The following OGFOD1 variants were observed in gnomAD, a reference collection of about 807,000 sequenced individuals.
The protein encoded by OGFOD1 is prolyl 3-hydroxylase OGFOD1.
Under a neutral mutation model 67.7 loss-of-function variants are expected in OGFOD1, and 54 were observed. The observed-to-expected ratio is 0.80, with a 90% CI of 0.64 to 1.00. The LOEUF (loss-of-function observed/expected upper bound fraction) is 1.00. OGFOD1 is among the 50% of genes least tolerant of loss of function. The pLI is 0.00. For synonymous variants in OGFOD1, 221 were observed against 227.0 expected, an observed-to-expected ratio of 0.97 and a Z score of 0.24; for missense variants, 606 against 646.7, an observed-to-expected ratio of 0.94 and a Z score of 0.68.
chr16:56,475,514 G>A lies in OGFOD1; in HGVS notation c.1416G>A (p.Glu472=). 1.9e-6 allele frequency: 3 copies of A among 1,614,024 alleles called. No individual in the cohort carries two copies. Among genetic ancestry groups the A allele is most frequent in the Non-Finnish European group, 2.5e-6 (3 of 1,179,934 alleles). ...LILYCGCEGW[E]PEYGGFTSYI... is the part of the protein sequence containing the mutation. ...TTGTTTTTCTCTTGTAAGGCTGGGA[G>A]CCAGAATATGGCGGTTTTACTTCTT... is the stretch of plus-strand genomic sequence containing the variant. The change falls in exon 12 of 13, where the codon GAG becomes GAA. Residue 472 remains glutamate (E), a synonymous_variant. Transcript: ENST00000566157.
Position 56,476,288 on chromosome 16 carries a change from A to T in OGFOD1, c.*83A>T. The T allele has an allele frequency of 7.7e-7, 1 of 1,304,010 alleles. No homozygotes were observed. Among genetic ancestry groups the T allele is most frequent in the Non-Finnish European group, 1.1e-6 (1 of 941,050 alleles). 80.8% of individuals were successfully genotyped at this position (1,304,010 alleles called of 1,614,324 possible). The stretch of plus-strand genomic sequence containing the variant: ...AAGAGCTAAGCATGGAGTCAAGGAG[A>T]ACTACATGGTAGCTTGCCTGACAGT... On this transcript the variant is annotated 3_prime_UTR_variant, in exon 13 of 13. Coordinates refer to ENST00000566157, the MANE Select transcript of OGFOD1 (RefSeq NM_018233.4).
chr16:56,470,819 CT>C (rs1963135797), intron 10 of OGFOD1, 28 bp downstream of exon 10: 1 of 1,531,758 alleles, frequency 6.5e-7, no homozygotes, highest in African/African-American at 1.4e-5. Flanking sequence ...TTTGTCCTTA[CT>C]TACCATTAAC....
chr16:56,466,702 A>G, intron 5 of OGFOD1, 174 bp from the exon 6 acceptor site: 1 of 644,386 alleles, frequency 1.6e-6, no homozygotes, highest in Non-Finnish European at 2.8e-6. Context: ...TAGTAAGAAC[A>G]GATGCCACGT....
At chr16:56,458,726 G>A in intron 3 of OGFOD1, 132 bp downstream of exon 3, 1 of 735,850 alleles carries the variant, frequency 1.4e-6, no homozygotes, top group Admixed American at 2.6e-5. Flanking sequence ...GAGGAGGAAA[G>A]AGACCGAGAA....
chr16:56,458,378 A>G (rs1962596679), intron 2 of OGFOD1, 170 bp from the exon 3 acceptor site: 2 of 647,602 alleles, frequency 3.1e-6, no homozygotes, highest in Admixed American at 5.4e-5. Flanking sequence ...TAACTTGTCA[A>G]GTCACAGACC....
intron 8 of OGFOD1, among the ~76,000 whole-genome samples, chr16:56,468,852 C>T (rs867964094): frequency 6.6e-6 from 1 of 152,124 alleles, no homozygotes; most frequent in African/African-American, 2.4e-5. Context: ...GGGATTCATA[C>T]CTGCCTTGTC....
At chr16:56,455,681 A>C (rs1962502003) in intron 2 of OGFOD1, among the ~76,000 whole-genome samples, 1 of 152,120 alleles carries the variant, frequency 6.6e-6, no homozygotes, top group African/African-American at 2.4e-5. Context: ...TGTCATTAGG[A>C]CTTGCCCAGT....
At chr16:56,458,669 T>C in intron 3 of OGFOD1, 75 bp downstream of exon 3, 3 of 1,186,506 alleles carry the variant, frequency 2.5e-6, no homozygotes, top group East Asian at 2.3e-5. Flanking sequence ...TGTTACAACA[T>C]TGTGTATGTC....
At position 56,477,473 on chromosome 16, in the gene OGFOD1, A is replaced by G. The variant is rs1416178410; in HGVS notation, c.*1268A>G. The G allele has an allele frequency of 6.6e-6, 1 of 152,252 alleles. No individual in the cohort carries two copies. The highest frequency in any genetic ancestry group is 1.5e-5 in the Non-Finnish European group (1 of 68,058). 9.4% of individuals were successfully genotyped at this position (152,252 alleles called of 1,614,324 possible). A position where few individuals can be genotyped will look rare whatever the true frequency, so the allele number is the denominator to read the frequency against. ...TCCATCCTGCAATTGTGGCCTGTGT[A>G]TAATTAAATGATTTTAGCCTCACGT... On this transcript the variant is annotated 3_prime_UTR_variant, in exon 13 of 13. Transcript: ENST00000566157.
At chr16:56,462,731 T>C in intron 4 of OGFOD1, 97 bp downstream of exon 4, 1 of 733,828 alleles carries the variant, frequency 1.4e-6, no homozygotes. Flanking sequence ...CTCAACTGAA[T>C]GTCCCTGCAA....
intron 3 of OGFOD1, among the ~76,000 whole-genome samples, chr16:56,459,083 G>A (rs1468697170): frequency 6.6e-6 from 1 of 152,252 alleles, no homozygotes; most frequent in African/African-American, 2.4e-5. Context: ...GCTCACGCCT[G>A]TAATCCCAGC....
At chr16:56,466,775 A>G in intron 5 of OGFOD1, 101 bp from the exon 6 acceptor site, 1 of 812,504 alleles carries the variant, frequency 1.2e-6, no homozygotes, top group Admixed American at 1.9e-5. Context: ...TCTGAAGGGC[A>G]CATCTAGATG....
chr16:56,464,134 A>G (rs1346664433), intron 4 of OGFOD1, among the ~76,000 whole-genome samples: 1 of 152,162 alleles, frequency 6.6e-6, no homozygotes, highest in Non-Finnish European at 1.5e-5. Flanking sequence ...CAGATGAGTT[A>G]TTTTGGAAAA....
intron 10 of OGFOD1, 55 bp downstream of exon 10, chr16:56,470,846 C>T: frequency 6.9e-7 from 1 of 1,450,108 alleles, no homozygotes; most frequent in South Asian, 1.4e-5. Context: ...ACCATTCAAA[C>T]ATGTATTCAT....
chr16:56,476,605 T>C lies in OGFOD1; in HGVS notation c.*400T>C, dbSNP rs1963487569. ...GTTGTCCAGCCATCACCATCATCCA[T>C]CTCCAGAAGTTTTCCATCTTCCCAA... On this transcript the variant is annotated 3_prime_UTR_variant, in exon 13 of 13. Transcript: ENST00000566157. 1 of 153,844 alleles carries C rather than the reference T, an allele frequency of 6.5e-6. No individual in the cohort carries two copies. Among genetic ancestry groups the C allele is most frequent in the Non-Finnish European group, 1.4e-5 (1 of 69,356 alleles). 9.5% of individuals were successfully genotyped at this position (153,844 alleles called of 1,614,324 possible). A position where few individuals can be genotyped will look rare whatever the true frequency, so the allele number is the denominator to read the frequency against.
intron 7 of OGFOD1, 94 bp downstream of exon 7, chr16:56,467,387 G>A (rs1405829391): frequency 5.9e-6 from 8 of 1,362,996 alleles, no homozygotes; most frequent in South Asian, 1.3e-5. Flanking sequence ...AATGAAACTG[G>A]ACCTTGAGCT....
intron 3 of OGFOD1, among the ~76,000 whole-genome samples, chr16:56,459,981 A>C (rs1962658155): frequency 6.6e-6 from 1 of 152,098 alleles, no homozygotes; most frequent in South Asian, 2.1e-4. Context: ...ATATGGTATA[A>C]ATTATTTATT....
chr16:56,470,568 C>G lies in OGFOD1; in HGVS notation c.1062C>G (p.Phe354Leu). ...CMKLFRSEAL[F>L]LLLSNFTGLK... ...AGTTATTTCGCTCTGAGGCACTATTCTTGCTGCTCTCCAACTTCACAGGCC... is the reference window on the plus strand; with the variant it reads ...AGTTATTTCGCTCTGAGGCACTATTGTTGCTGCTCTCCAACTTCACAGGCC... The change falls in exon 10 of 13, where the codon TTC (phenylalanine) becomes TTG (leucine). Residue 354 changes from phenylalanine (F) to leucine (L), a missense_variant. Phe to Leu is a conservative substitution (Grantham distance 22). Transcript: ENST00000566157. 6.2e-7 allele frequency: 1 copy of G among 1,614,162 alleles called. No homozygotes were observed. The highest frequency in any genetic ancestry group is 8.5e-7 in the Non-Finnish European group (1 of 1,180,012).
At chr16:56,475,441 T>A in intron 11 of OGFOD1, 66 bp from the exon 12 acceptor site, 1 of 1,430,008 alleles carries the variant, frequency 7.0e-7, no homozygotes, top group Middle Eastern at 1.8e-4. Flanking sequence ...GGATCAGTGA[T>A]TTAAGTAGAT....
Sources: gnomAD v4.1 joint callset for allele counts (sites outside exome capture counted in the v4.1 genomes callset) on GRCh38, gnomAD v4.1.1 for gene constraint, MANE v1.5 for transcripts, NCBI Gene and HGNC (gene_info 2026-07-23, HGNC 2026-07-21) for gene names.